HSD17B4: variants seen among roughly 807,000 people sequenced by gnomAD.
HSD17B4 encodes the protein peroxisomal multifunctional enzyme type 2.
HSD17B4 carries 70 observed loss-of-function variants against 101.0 expected under a neutral mutation model. That is an observed-to-expected ratio of 0.69 (90% CI 0.57 to 0.85). HSD17B4 has a LOEUF of 0.85. Ranked by LOEUF, HSD17B4 falls within the 40% of genes least tolerant of loss-of-function variation. The probability of loss-of-function intolerance (pLI) is 0.00; values close to 1 mark genes in which losing one functional copy is unlikely to be tolerated. For missense variants in HSD17B4, 984 were observed against 892.4 expected, an observed-to-expected ratio of 1.10 and a Z score of -1.31; for synonymous variants, 347 against 297.1, an observed-to-expected ratio of 1.17 and a Z score of -1.73.
chr5:119,523,980 A>C (rs1283435662), intron 17 of HSD17B4, among the ~76,000 whole-genome samples: 1 of 152,158 alleles, frequency 6.6e-6, no homozygotes, highest in Non-Finnish European at 1.5e-5. Context: ...TCACAATTTC[A>C]GGCCCTGAAA....
At chr5:119,474,378 A>T (rs1344325185) in intron 3 of HSD17B4, 23 bp from the exon 4 acceptor site, 1 of 1,562,144 alleles carries the variant, frequency 6.4e-7, no homozygotes. Context: ...CCGAAATTTC[A>T]TACAAATTTT....
intron 17 of HSD17B4, among the ~76,000 whole-genome samples, chr5:119,522,573 G>T (rs921344098): frequency 6.6e-6 from 1 of 152,010 alleles, no homozygotes; most frequent in Non-Finnish European, 1.5e-5. Flanking sequence ...TGTGGTTTGG[G>T]GTGGTTTCCA....
intron 21 of HSD17B4, 26 bp from the exon 22 acceptor site, chr5:119,531,240 A>G (rs766517754): frequency 6.2e-7 from 1 of 1,611,578 alleles, no homozygotes; most frequent in Non-Finnish European, 8.5e-7. Context: ...CAGAACTTTT[A>G]AAGTTTATTT....
chr5:119,482,121 C>T (rs1749195853), intron 8 of HSD17B4, among the ~76,000 whole-genome samples: 1 of 152,058 alleles, frequency 6.6e-6, no homozygotes, highest in Non-Finnish European at 1.5e-5. Flanking sequence ...TTCTTCTTCT[C>T]GGGTTCTCAT....
rs1753678930 is a variant in HSD17B4 at position 119,527,170 on chromosome 5, T to C, written c.1718T>C (p.Leu573Pro). ...AAACCAGTATATCCAGGACAAACTC[T>C]ACAAACTGAGATGTGGAAGGAAGGA... Reference protein sequence around the residue: ...FAKPVYPGQTLQTEMWKEGNR... With the variant: ...FAKPVYPGQTPQTEMWKEGNR... Residue 573 changes from leucine to proline, a missense_variant, in exon 20 of 24, where the codon CTA (leucine) becomes CCA (proline). Physicochemically the swap from Leu to Pro is moderately conservative, Grantham distance 98. Transcript: ENST00000510025. 2 of 1,610,614 alleles carry C rather than the reference T, an allele frequency of 1.2e-6. No individual in the cohort carries two copies. The highest frequency in any genetic ancestry group is 4.5e-5 in the East Asian group (2 of 44,726).
intron 14 of HSD17B4, 49 bp from the exon 15 acceptor site, chr5:119,506,769 G>C (rs2126806240): frequency 2.0e-6 from 2 of 1,003,954 alleles, no homozygotes; most frequent in African/African-American, 3.2e-5. Context: ...TCTTATTATA[G>C]TAATCTTTGG....
chr5:119,520,569 T>A (rs1194212999), intron 17 of HSD17B4, among the ~76,000 whole-genome samples: 1 of 152,262 alleles, frequency 6.6e-6, no homozygotes, highest in Non-Finnish European at 1.5e-5. Context: ...TGGGAACTGC[T>A]GTCAGAAGGA....
At chr5:119,507,709 T>G (rs1751785412) in intron 15 of HSD17B4, among the ~76,000 whole-genome samples, 1 of 151,034 alleles carries the variant, frequency 6.6e-6, no homozygotes. Context: ...GCGTGAACCC[T>G]GGAGGCAGAG....
intron 23 of HSD17B4, among the ~76,000 whole-genome samples, chr5:119,537,947 CAG>C (rs1453863573): frequency 6.6e-6 from 1 of 152,070 alleles, no homozygotes; most frequent in African/African-American, 2.4e-5. Context: ...AAATGCCTGA[CAG>C]AGATTTGAAC....
intron 2 of HSD17B4, 45 bp downstream of exon 2, chr5:119,456,413 A>C: frequency 9.1e-7 from 1 of 1,093,234 alleles, no homozygotes; most frequent in Non-Finnish European, 1.4e-6. Flanking sequence ...TGATAACTGA[A>C]ATACAATCTT....
intron 14 of HSD17B4, among the ~76,000 whole-genome samples, chr5:119,503,277 A>G (rs1420353928): frequency 6.6e-6 from 1 of 152,132 alleles, no homozygotes; most frequent in Non-Finnish European, 1.5e-5. Flanking sequence ...TAGGGATTTT[A>G]AAATACGAAA....
intron 11 of HSD17B4, among the ~76,000 whole-genome samples, chr5:119,494,266 T>C (rs1420376429): frequency 6.6e-6 from 1 of 152,140 alleles, no homozygotes; most frequent in African/African-American, 2.4e-5. Context: ...AGTCTTCCAT[T>C]ACCTACCTAT....
rs1320566556 is a variant in HSD17B4, at chr5:119,530,867, AAAAC to A, written c.1855-395_1855-392del. ...TCTCAAAAAAAAAAAAAAAAAACAA[AAAAC>A]AAAAAAAACCCAAAACTTAAGTTTT... On this transcript the variant is annotated intron_variant, in intron 21 of 23. Transcript: ENST00000510025. 1.1e-3 allele frequency among the ~76,000 whole-genome samples: 167 copies of A among 148,632 alleles called. 5 individuals carry two copies. The highest frequency in any genetic ancestry group is 3.8e-3 in the African/African-American group (153 of 40,520).
intron 14 of HSD17B4, among the ~76,000 whole-genome samples, chr5:119,502,478 A>G (rs1397673182): frequency 2.0e-5 from 3 of 152,030 alleles, no homozygotes; most frequent in Non-Finnish European, 2.9e-5. Flanking sequence ...GTTAAAAGAT[A>G]CAGAATTTCT....
chr5:119,499,382 G>A lies in HSD17B4; in HGVS notation c.1038G>A (p.Met346Ile), dbSNP rs984925372. The A allele has an allele frequency of 1.5e-5, 25 of 1,613,808 alleles. No homozygotes were observed. The Admixed American group carries it at 4.2e-4, about 27-fold the overall frequency. Reference sequence around the variant, plus strand: ...CTTATACGGAACTGGAAGCTATTATGTATGCCCTTGGAGTGGGAGCGTCAA... The same window carrying A: ...CTTATACGGAACTGGAAGCTATTATATATGCCCTTGGAGTGGGAGCGTCAA... ...SYAYTELEAI[M>I]YALGVGASIK... Residue 346 changes from methionine (M) to isoleucine (I), a missense_variant, in exon 13 of 24, where the codon ATG becomes ATA. By Grantham distance (10) the Met-to-Ile change is conservative (BLOSUM62 1). Coordinates refer to ENST00000510025, the MANE Select transcript of HSD17B4 (RefSeq NM_000414.4).
At chr5:119,521,423 C>T (rs987046049) in intron 17 of HSD17B4, among the ~76,000 whole-genome samples, 1 of 151,998 alleles carries the variant, frequency 6.6e-6, no homozygotes, top group East Asian at 1.9e-4. Flanking sequence ...ATATTCATGT[C>T]TTTTAGTTTT....
chr5:119,510,763 G>T (rs1752094851), intron 16 of HSD17B4, among the ~76,000 whole-genome samples: 1 of 152,162 alleles, frequency 6.6e-6, no homozygotes, highest in Admixed American at 6.5e-5. Context: ...TCTCCTGGCT[G>T]AGCATGACAG....
intron 15 of HSD17B4, among the ~76,000 whole-genome samples, chr5:119,507,767 G>GAGC (rs1055309575): frequency 1.6e-4 from 23 of 147,710 alleles, no homozygotes; most frequent in African/African-American, 5.8e-4. Context: ...CTGGGTGACT[G>GAGC]AGCAAGACTC....
At chr5:119,492,831 T>G (rs1750236266) in intron 10 of HSD17B4, 1 of 152,134 alleles carries the variant, frequency 6.6e-6, no homozygotes, top group African/African-American at 2.4e-5. Flanking sequence ...CTTTATGGCA[T>G]TAAAAAAATT....
Sources: allele counts gnomAD v4.1 joint callset (sites outside exome capture counted in the v4.1 genomes callset), GRCh38; gene constraint gnomAD v4.1.1; transcripts MANE v1.5; gene names NCBI Gene and HGNC (gene_info 2026-07-23, HGNC 2026-07-21).